Variants in SDK2 observed in about 807,000 individuals in gnomAD.
SDK2 encodes protein sidekick-2.
A neutral mutation model predicts 253.9 loss-of-function variants in SDK2; 105 were observed. That is an observed-to-expected ratio of 0.41 (90% CI 0.35 to 0.49). The LOEUF is 0.49. Among genes scored for constraint, SDK2 ranks in the 20% least tolerant of loss-of-function variants. SDK2 has a pLI of 0.06. For synonymous variants in SDK2, 1,249 were observed against 1,234.9 expected (o/e 1.01, Z -0.24); for missense variants, 2,608 against 3,003.0 (o/e 0.87, Z 3.07).
intron 32 of SDK2, among the ~76,000 whole-genome samples, chr17:73,384,898 C>T (rs974860092): frequency 1.4e-4 from 21 of 152,210 alleles, no homozygotes; most frequent in Non-Finnish European, 2.6e-4. Context: ...ATGGTTTCCC[C>T]GGCTGCCATG....
intron 38 of SDK2, among the ~76,000 whole-genome samples, 165 bp from the exon 39 acceptor site, chr17:73,362,010 C>A (rs1284291183): frequency 6.6e-6 from 1 of 152,222 alleles, no homozygotes; most frequent in East Asian, 1.9e-4. Context: ...AACCACATTG[C>A]CCATGCTGTG....
At chr17:73,401,268 C>T (rs1443933771) in intron 20 of SDK2, 57 bp from the exon 21 acceptor site, 1 of 1,419,106 alleles carries the variant, frequency 7.0e-7, no homozygotes, top group Non-Finnish European at 9.6e-7. Flanking sequence ...TTGGCCTGAC[C>T]CACTACTCCA....
intron 2 of SDK2, among the ~76,000 whole-genome samples, chr17:73,480,205 C>T (rs2063712580): frequency 6.6e-6 from 1 of 152,164 alleles, no homozygotes; most frequent in Admixed American, 6.5e-5. Flanking sequence ...CAGCTAAGTA[C>T]CTAGAATGAT....
chr17:73,553,685 T>C (rs774353780), intron 1 of SDK2, among the ~76,000 whole-genome samples: 5 of 152,060 alleles, frequency 3.3e-5, no homozygotes, highest in Non-Finnish European at 7.4e-5. Flanking sequence ...TGCAGGTGAA[T>C]AGCACCACCC....
At chr17:73,359,043 C>T (rs1013149839) in intron 39 of SDK2, among the ~76,000 whole-genome samples, 3 of 152,014 alleles carry the variant, frequency 2.0e-5, no homozygotes, top group African/African-American at 7.3e-5. Flanking sequence ...TCCAGAATCC[C>T]GACCCCACAT....
rs1168184155 is a variant in SDK2 at position 73,642,875 on chromosome 17, C to G, written c.64+1150G>C. 6.6e-6 allele frequency among the ~76,000 whole-genome samples: 1 copy of G among 152,190 alleles called. No individual in the cohort carries two copies. Among genetic ancestry groups the G allele is most frequent in the African/African-American group, 2.4e-5 (1 of 41,434 alleles). ...TATTTTCATCTCTTTGATCTTGGCT[C>G]TCTGGATTGCCTGGCGCACGAGGCG... On this transcript the variant is annotated intron_variant, in intron 1 of 44. Coordinates refer to ENST00000392650, the MANE Select transcript of SDK2 (RefSeq NM_001144952.2). This position sits in a 1 kb window ranked among gnomAD's most constrained non-coding sequence, Gnocchi z 4.7.
intron 1 of SDK2, among the ~76,000 whole-genome samples, chr17:73,617,049 G>A (rs1301078143): frequency 1.3e-5 from 2 of 152,174 alleles, no homozygotes; most frequent in Non-Finnish European, 2.9e-5. Flanking sequence ...CCATAGCTGT[G>A]AGCATGCTTG....
At chr17:73,471,933 C>G (rs1183194440) in intron 3 of SDK2, among the ~76,000 whole-genome samples, 179 bp downstream of exon 3, 1 of 152,214 alleles carries the variant, frequency 6.6e-6, no homozygotes, top group Non-Finnish European at 1.5e-5. Context: ...GGCCTGCTAC[C>G]TCTCTGGGCC....
At chr17:73,388,796 CTCCTTCCTTCCTTCCCTCCCTCTCCT>C (rs1358255241) in intron 29 of SDK2, among the ~76,000 whole-genome samples, 3 of 59,550 alleles carry the variant, frequency 5.0e-5, no homozygotes, top group Non-Finnish European at 7.7e-5. Flanking sequence ...CCTTCCCTCC[CTCCTTCCTTCCTTCCCTCCCTCTCCT>C]TCCTTCCTTC....
chr17:73,352,823 G>T lies in SDK2; in HGVS notation c.5594-186C>A, dbSNP rs2062551169. Among the ~76,000 whole-genome samples, 1 of 152,236 alleles carries T rather than the reference G, an allele frequency of 6.6e-6. No individual in the cohort carries two copies. Among genetic ancestry groups the T allele is most frequent in the African/African-American group, 2.4e-5 (1 of 41,468 alleles). ...AGACAACTTTCGGGCCAAGCACGGT[G>T]GCTCATGCCTGTAATTCCAGCACTT... On this transcript the variant is annotated intron_variant, in intron 40 of 44. Coordinates refer to ENST00000392650, the MANE Select transcript of SDK2 (RefSeq NM_001144952.2). The surrounding 1 kb of genome is among the most constrained non-coding windows in gnomAD (Gnocchi z 4.1).
intron 1 of SDK2, among the ~76,000 whole-genome samples, chr17:73,575,876 G>A (rs1459980228): frequency 6.6e-6 from 1 of 152,212 alleles, no homozygotes; most frequent in Non-Finnish European, 1.5e-5. Flanking sequence ...GCCTGCTCTT[G>A]AGGGGCTCAC....
chr17:73,638,617 C>T (rs959639336), intron 1 of SDK2, among the ~76,000 whole-genome samples: 14 of 151,690 alleles, frequency 9.2e-5, no homozygotes, highest in African/African-American at 3.4e-4. Context: ...GGAGTGAATG[C>T]AGGGGGAGTG....
chr17:73,401,307 T>C, intron 20 of SDK2, 96 bp from the exon 21 acceptor site: 1 of 1,173,548 alleles, frequency 8.5e-7, no homozygotes, highest in African/African-American at 1.5e-5. Flanking sequence ...GGCTGGCAAT[T>C]AGATCCACGC....
At position 73,483,705 on chromosome 17, in the gene SDK2, A is replaced by ATT. The variant is rs1266533021; in HGVS notation, c.225-11488_225-11487insAA. Among the ~76,000 whole-genome samples, 33 of 56,654 alleles carry ATT rather than the reference A, an allele frequency of 5.8e-4. 1 individual carries two copies. Among genetic ancestry groups the ATT allele is most frequent in the East Asian group, 1.7e-3 (3 of 1,762 alleles). The allele number at this position is 56,654 out of a possible 152,430, so 37.2% of individuals were successfully genotyped here. ...TATTTATATATATATATATATATATATATTTTTTTTTTTTTTTAGTAGAGT... is the reference window on the plus strand; with the variant it reads ...TATTTATATATATATATATATATATATTTATTTTTTTTTTTTTTTAGTAGAGT... On this transcript the variant is annotated intron_variant, in intron 2 of 44. Transcript: ENST00000392650.
intron 29 of SDK2, among the ~76,000 whole-genome samples, chr17:73,388,271 T>TA (rs1372509339): frequency 6.6e-6 from 1 of 152,102 alleles, no homozygotes; most frequent in Non-Finnish European, 1.5e-5. Context: ...CCTGGGAACT[T>TA]ACAGCTCCTC....
chr17:73,440,775 T>C (rs2063409203), intron 6 of SDK2, 37 bp downstream of exon 6: 1 of 1,439,990 alleles, frequency 6.9e-7, no homozygotes. Context: ...GCAGCTGGAG[T>C]TACGGGTGCG....
intron 1 of SDK2, among the ~76,000 whole-genome samples, chr17:73,564,209 TAATTAA>T (rs1322670911): frequency 5.9e-5 from 9 of 152,258 alleles, no homozygotes; most frequent in African/African-American, 1.7e-4. Context: ...CTATTTAAGT[TAATTAA>T]AATTAAATAA....
chr17:73,415,672 A>G (rs763351360), intron 17 of SDK2, 139 bp downstream of exon 17: 3 of 690,568 alleles, frequency 4.3e-6, no homozygotes, highest in Non-Finnish European at 4.8e-6. Flanking sequence ...CACTTTTTGT[A>G]GAGATGGAGT....
At chr17:73,375,222 C>T (rs1294395707) in intron 36 of SDK2, among the ~76,000 whole-genome samples, 1 of 140,476 alleles carries the variant, frequency 7.1e-6, no homozygotes, top group Non-Finnish European at 1.5e-5. Flanking sequence ...AAGTCCTTTC[C>T]TAACAACCTT....
Sources: allele counts gnomAD v4.1 joint callset (sites outside exome capture counted in the v4.1 genomes callset), GRCh38; gene constraint gnomAD v4.1.1; non-coding constraint Gnocchi (gnomAD v3.1); transcripts MANE v1.5; gene names NCBI Gene and HGNC (gene_info 2026-07-23, HGNC 2026-07-21).